The following CAMTA1 variants were observed in gnomAD, a reference collection of about 807,000 sequenced individuals.
CAMTA1 encodes the protein calmodulin binding transcription activator 1.
Under a neutral mutation model 170.9 loss-of-function variants are expected in CAMTA1, and 27 were observed. The observed-to-expected ratio is 0.16, with a 90% CI of 0.12 to 0.22. The LOEUF (loss-of-function observed/expected upper bound fraction) is 0.22, where lower values mean the gene tolerates loss of function less well. Among genes scored for constraint, CAMTA1 ranks in the 10% least tolerant of loss-of-function variants. The pLI is 1.00. For missense variants in CAMTA1, 1,619 were observed against 2,217.2 expected (o/e 0.73, Z 5.42); for synonymous variants, 833 against 891.5 (o/e 0.93, Z 1.17).
chr1:7,080,241 A>G (rs1639833209), intron 3 of CAMTA1, among the ~76,000 whole-genome samples: 1 of 152,182 alleles, frequency 6.6e-6, no homozygotes, highest in Non-Finnish European at 1.5e-5. Flanking sequence ...AGGGAGATGG[A>G]TTAACTTTTT....
At chr1:7,157,287 G>A (rs1379282117) in intron 4 of CAMTA1, among the ~76,000 whole-genome samples, 3 of 143,672 alleles carry the variant, frequency 2.1e-5, no homozygotes, top group African/African-American at 7.8e-5. Context: ...AGAGCTTGCA[G>A]TGAGCTGAGA....
At chr1:7,229,873 T>A (rs1662405901) in intron 4 of CAMTA1, among the ~76,000 whole-genome samples, 3 of 152,214 alleles carry the variant, frequency 2.0e-5, no homozygotes, top group Non-Finnish European at 4.4e-5. Context: ...GTCCCCCGGC[T>A]CCCCGATGAC....
At chr1:6,960,917 A>G (rs1425760604) in intron 3 of CAMTA1, among the ~76,000 whole-genome samples, 2 of 152,244 alleles carry the variant, frequency 1.3e-5, no homozygotes, top group African/African-American at 4.8e-5. Context: ...AGTTAGTTCT[A>G]TGATGAGCCT....
chr1:7,610,325 G>C (rs780558963), intron 6 of CAMTA1, among the ~76,000 whole-genome samples: 15 of 152,218 alleles, frequency 9.9e-5, no homozygotes, highest in Non-Finnish European at 1.8e-4. Context: ...GGCCAAGTCT[G>C]CTCCATCACC....
At chr1:7,616,991 A>C (rs2150732211) in intron 6 of CAMTA1, among the ~76,000 whole-genome samples, 1 of 152,326 alleles carries the variant, frequency 6.6e-6, no homozygotes, top group Non-Finnish European at 1.5e-5. Context: ...CCCGCAGGGA[A>C]GTTTTCCCTC....
intron 5 of CAMTA1, among the ~76,000 whole-genome samples, chr1:7,343,232 C>T (rs1261591037): frequency 6.6e-6 from 1 of 152,190 alleles, no homozygotes; most frequent in South Asian, 2.1e-4. Context: ...TCAGCGACTC[C>T]GATGGCTTGG....
chr1:7,497,721 A>G (rs906955891), intron 6 of CAMTA1, among the ~76,000 whole-genome samples: 1 of 152,190 alleles, frequency 6.6e-6, no homozygotes, highest in Admixed American at 6.5e-5. Context: ...CTCAGGGCCC[A>G]GAAGAGAATA....
chr1:6,908,363 T>C (rs1006321635), intron 3 of CAMTA1, among the ~76,000 whole-genome samples: 16 of 152,168 alleles, frequency 1.1e-4, no homozygotes, highest in African/African-American at 3.9e-4. Flanking sequence ...TGCCCTCTGC[T>C]CTCAAGTTTA....
intron 3 of CAMTA1, among the ~76,000 whole-genome samples, chr1:6,833,150 C>T (rs997896158): frequency 2.0e-5 from 3 of 152,190 alleles, no homozygotes; most frequent in Non-Finnish European, 4.4e-5. Flanking sequence ...AAGTAAATTG[C>T]ACCCTCAGAG....
At position 7,482,350 on chromosome 1, in the gene CAMTA1, GCAGGGC is replaced by G. The variant is rs1238499538; in HGVS notation, c.510+14454_510+14459del. Among the ~76,000 whole-genome samples, 3 of 152,124 alleles carry G rather than the reference GCAGGGC, an allele frequency of 2.0e-5. No homozygotes were observed. Among genetic ancestry groups the G allele is most frequent in the Admixed American group, 2.0e-4 (3 of 15,274 alleles). The stretch of plus-strand genomic sequence containing the variant: ...CCATCCAGCACCGGGCTTCCTGAGG[GCAGGGC>G]CAGGTCACTACTTCCTGGGGTTTCT... On this transcript the variant is annotated intron_variant, in intron 6 of 22. Coordinates refer to ENST00000303635, the MANE Select transcript of CAMTA1 (RefSeq NM_015215.4). This position sits in a 1 kb window ranked among gnomAD's most constrained non-coding sequence, Gnocchi z 4.2.
At chr1:7,352,034 G>A (rs1449457444) in intron 5 of CAMTA1, among the ~76,000 whole-genome samples, 1 of 151,538 alleles carries the variant, frequency 6.6e-6, no homozygotes, top group African/African-American at 2.4e-5. Flanking sequence ...AAAGCGCCAG[G>A]TCCAGGATGG....
rs1031218666 is a variant in CAMTA1 at position 7,463,002 on chromosome 1, C to T, written c.439-4828C>T. On this transcript the variant is annotated intron_variant, in intron 5 of 22. Transcript: ENST00000303635. This position sits in a 1 kb window ranked among gnomAD's most constrained non-coding sequence, Gnocchi z 4.7. ...GAGGGGGACCTGAGCTGGACTCCAGCTGAGCGGGGTCTTCGGAGGCAGCAC... is the reference window on the plus strand; with the variant it reads ...GAGGGGGACCTGAGCTGGACTCCAGTTGAGCGGGGTCTTCGGAGGCAGCAC... Among the ~76,000 whole-genome samples the T allele has an allele frequency of 1.3e-5, 2 of 152,210 alleles. No individual in the cohort carries two copies. Among genetic ancestry groups the T allele is most frequent in the African/African-American group, 4.8e-5 (2 of 41,468 alleles).
intron 11 of CAMTA1, among the ~76,000 whole-genome samples, chr1:7,705,748 GTC>G (rs1484344236): frequency 1.3e-5 from 2 of 152,182 alleles, no homozygotes; most frequent in Non-Finnish European, 2.9e-5. Context: ...ACGGGGGACT[GTC>G]TCTAACTACA....
intron 3 of CAMTA1, among the ~76,000 whole-genome samples, chr1:6,996,259 G>A (rs1216476268): frequency 2.0e-5 from 3 of 152,288 alleles, no homozygotes; most frequent in Admixed American, 6.5e-5. Flanking sequence ...TGTAATTTGG[G>A]ACTGGATTCT....
intron 18 of CAMTA1, among the ~76,000 whole-genome samples, chr1:7,746,669 C>A (rs1347413890): frequency 6.6e-6 from 1 of 152,174 alleles, no homozygotes; most frequent in African/African-American, 2.4e-5. Flanking sequence ...GAGTCTCATT[C>A]TGTTGCCAAG....
chr1:6,893,501 T>G (rs765611123), intron 3 of CAMTA1, among the ~76,000 whole-genome samples: 9 of 152,324 alleles, frequency 5.9e-5, no homozygotes, highest in Non-Finnish European at 1.0e-4. Context: ...GATGAGACAG[T>G]CTGGCTGGAA....
chr1:6,932,658 T>G (rs1282619318), intron 3 of CAMTA1, among the ~76,000 whole-genome samples: 1 of 152,266 alleles, frequency 6.6e-6, no homozygotes, highest in African/African-American at 2.4e-5. Flanking sequence ...CAACCCTTCC[T>G]ACGGTCAGTC....
intron 6 of CAMTA1, among the ~76,000 whole-genome samples, chr1:7,517,415 G>C (rs909317852): frequency 6.6e-6 from 1 of 152,084 alleles, no homozygotes; most frequent in Non-Finnish European, 1.5e-5. Context: ...TGTGAAATGG[G>C]TACACGAATC....
In CAMTA1 at chr1:6,883,668, G is replaced by A. The variant is rs148824273; in HGVS notation, c.234+58458G>A. ...GTCAGTGGATTCAAGGAATAGGATC[G>A]AGGAGTTGTTGGAGTTGGGATAGTC... On this transcript the variant is annotated intron_variant, in intron 3 of 22. Transcript: ENST00000303635. 1.6e-3 allele frequency among the ~76,000 whole-genome samples: 242 copies of A among 152,236 alleles called. 1 individual carries two copies. Among genetic ancestry groups the A allele is most frequent in the Middle Eastern group, 6.8e-3 (2 of 294 alleles).
Sources: gnomAD v4.1 joint callset for allele counts (sites outside exome capture counted in the v4.1 genomes callset) on GRCh38, gnomAD v4.1.1 for gene constraint, Gnocchi (gnomAD v3.1) non-coding constraint, MANE v1.5 for transcripts, NCBI Gene and HGNC (gene_info 2026-07-23, HGNC 2026-07-21) for gene names.